Variants in C15orf40 observed in about 807,000 individuals in gnomAD.
C15orf40 encodes chromosome 15 open reading frame 40, also known as UPF0235 protein C15orf40.
Under a neutral mutation model 13.9 loss-of-function variants are expected in C15orf40, and 9 were observed. The ratio of observed to expected loss-of-function variants is 0.65; its 90% CI spans 0.39 to 1.13. The LOEUF is 1.13. Ranked by LOEUF, C15orf40 falls within the 50% of genes most tolerant of loss-of-function variation. The pLI, the probability that C15orf40 is intolerant of heterozygous loss-of-function variation, is 0.01. For synonymous variants in C15orf40, 95 were observed against 69.2 expected (o/e 1.37, Z -1.85); for missense variants, 225 against 188.5 (o/e 1.19, Z -1.13).
Position 83,001,115 on chromosome 15 carries a change from G to A in C15orf40, c.*4482C>T. ...GGCATAAGCCACTGCACTGGCCTAG[G>A]TGTGCACTGCAAAGGTTCCACCTTC... is the stretch of plus-strand genomic sequence containing the variant. On this transcript the variant is annotated 3_prime_UTR_variant, in exon 4 of 4. Coordinates refer to ENST00000304177, the MANE Select transcript of C15orf40 (RefSeq NM_144597.3). 3.0e-6 allele frequency: 3 copies of A among 985,438 alleles called. No homozygotes were observed. The highest frequency in any genetic ancestry group is 3.6e-6 in the Non-Finnish European group (3 of 829,918). The allele number at this position is 985,438 out of a possible 1,614,324, so 61.0% of individuals were successfully genotyped here. A position where few individuals can be genotyped will look rare whatever the true frequency, so the allele number is the denominator to read the frequency against.
downstream of C15orf40, chr15:82,990,770 G>T: frequency 1.2e-6 from 1 of 827,352 alleles, no homozygotes; most frequent in Non-Finnish European, 2.0e-6. Context: ...AACATAGCAG[G>T]TCAAAATTCA....
Position 82,999,581 on chromosome 15 carries a change from C to T in C15orf40, c.*6016G>A, listed in dbSNP as rs1251248024. The T allele has an allele frequency of 6.6e-6, 1 of 152,156 alleles. No homozygotes were observed. Among genetic ancestry groups the T allele is most frequent in the Non-Finnish European group, 1.5e-5 (1 of 68,056 alleles). The allele number at this position is 152,156 out of a possible 1,614,324, so 9.4% of individuals were successfully genotyped here. ...GTGAGCAGCTATCACGTGTACATGC[C>T]ACCCAGTACGGCTGTAGAAGAGAAC... is the stretch of plus-strand genomic sequence containing the variant. On this transcript the variant is annotated 3_prime_UTR_variant, in exon 4 of 4. Transcript: ENST00000304177.
chr15:83,011,362 G>T, intron 1 of C15orf40, 135 bp downstream of exon 1: 1 of 1,035,502 alleles, frequency 9.7e-7, no homozygotes, highest in Non-Finnish European at 1.3e-6. Flanking sequence ...GGCGGCGGCT[G>T]TCCTGAGCCC....
Position 83,004,874 on chromosome 15 carries a change from A to G in C15orf40, c.*723T>C. 1 of 1,303,874 alleles carries G rather than the reference A, an allele frequency of 7.7e-7. No individual in the cohort carries two copies. The highest frequency in any genetic ancestry group is 1.0e-6 in the Non-Finnish European group (1 of 988,092). The allele number at this position is 1,303,874 out of a possible 1,614,324, so 80.8% of individuals were successfully genotyped here. A position where few individuals can be genotyped will look rare whatever the true frequency, so the allele number is the denominator to read the frequency against. ...GAACCGTTGTGGAGATATGATTTTTAATTTACAATCTAGAAAAACTGCATT... is the reference window on the plus strand; with the variant it reads ...GAACCGTTGTGGAGATATGATTTTTGATTTACAATCTAGAAAAACTGCATT... On this transcript the variant is annotated 3_prime_UTR_variant, in exon 4 of 4. Coordinates refer to ENST00000304177, the MANE Select transcript of C15orf40 (RefSeq NM_144597.3).
At position 82,998,278 on chromosome 15, in the gene C15orf40, C is replaced by CA. The variant is rs1272929688; in HGVS notation, c.*7318_*7319insT. On this transcript the variant is annotated 3_prime_UTR_variant, in exon 4 of 4. Transcript: ENST00000304177. ...GGCCGGGCGGGGGACTGACCCCCCC[C>CA]CACCTCCCTCCCGGACGGGGTGGCT... 1 of 150,808 alleles carries CA rather than the reference C, an allele frequency of 6.6e-6. No individual in the cohort carries two copies. Among genetic ancestry groups the CA allele is most frequent in the Admixed American group, 6.7e-5 (1 of 14,898 alleles). 9.3% of individuals were successfully genotyped at this position (150,808 alleles called of 1,614,324 possible).
downstream of C15orf40, chr15:82,989,196 T>C: frequency 1.2e-6 from 2 of 1,610,558 alleles, no homozygotes; most frequent in African/African-American, 2.7e-5. Context: ...TCGGTGTGTA[T>C]TCAAAAGAAT....
Position 83,005,263 on chromosome 15 carries a change from G to T in C15orf40, c.*334C>A. On this transcript the variant is annotated 3_prime_UTR_variant, in exon 4 of 4. Transcript: ENST00000304177. ...CCTCTTCACCATTAGCAATAAAAAAGTTTCTCAAGGATGTATTTTTTATTT... is the reference window on the plus strand; with the variant it reads ...CCTCTTCACCATTAGCAATAAAAAATTTTCTCAAGGATGTATTTTTTATTT... The T allele has an allele frequency of 9.9e-7, 1 of 1,010,194 alleles. No individual in the cohort carries two copies. Among genetic ancestry groups the T allele is most frequent in the African/African-American group, 1.7e-5 (1 of 57,592 alleles). 62.6% of individuals were successfully genotyped at this position (1,010,194 alleles called of 1,614,324 possible). A position where few individuals can be genotyped will look rare whatever the true frequency, so the allele number is the denominator to read the frequency against.
At chr15:83,011,128 C>T (rs1189638761) in intron 1 of C15orf40, 4 of 199,520 alleles carry the variant, frequency 2.0e-5, no homozygotes, top group Non-Finnish European at 4.0e-5. Flanking sequence ...TCAGCCAAAG[C>T]AAGGGAGGAG....
chr15:83,003,390 G>T lies in C15orf40; in HGVS notation c.*2207C>A, dbSNP rs1456081670. On this transcript the variant is annotated 3_prime_UTR_variant, in exon 4 of 4. Coordinates refer to ENST00000304177, the MANE Select transcript of C15orf40 (RefSeq NM_144597.3). ...GATCCACCTGCCTTGGCCTCCCAAAGTGCTGGGATTACAGGTGTGAGCTAC... is the reference window on the plus strand; with the variant it reads ...GATCCACCTGCCTTGGCCTCCCAAATTGCTGGGATTACAGGTGTGAGCTAC... 1.3e-5 allele frequency: 2 copies of T among 152,288 alleles called. No individual in the cohort carries two copies. The highest frequency in any genetic ancestry group is 2.9e-5 in the Non-Finnish European group (2 of 68,132). 9.4% of individuals were successfully genotyped at this position (152,288 alleles called of 1,614,324 possible). A position where few individuals can be genotyped will look rare whatever the true frequency, so the allele number is the denominator to read the frequency against.
rs1234482869 is a variant in C15orf40 at position 83,001,273 on chromosome 15, C to A, written c.*4324G>T. 1 of 985,292 alleles carries A rather than the reference C, an allele frequency of 1.0e-6. No individual in the cohort carries two copies. The highest frequency in any genetic ancestry group is 1.7e-5 in the African/African-American group (1 of 57,226). The allele number at this position is 985,292 out of a possible 1,614,324, so 61.0% of individuals were successfully genotyped here. ...CAGGCTGTTCTTTCCCAGGATCTGT[C>A]GAAGTACAGCATAGGCAAACCACCT... On this transcript the variant is annotated 3_prime_UTR_variant, in exon 4 of 4. Transcript: ENST00000304177.
In C15orf40 at chr15:83,004,523, T is replaced by G; in HGVS notation, c.*1074A>C. On this transcript the variant is annotated 3_prime_UTR_variant, in exon 4 of 4. Transcript: ENST00000304177. Reference sequence around the variant, plus strand: ...GTAATTTCTGACAAGCTTTTACAAATACTGAAAATAGCTTCCAAGTCCTCT... The same window carrying G: ...GTAATTTCTGACAAGCTTTTACAAAGACTGAAAATAGCTTCCAAGTCCTCT... 1 of 805,548 alleles carries G rather than the reference T, an allele frequency of 1.2e-6. No homozygotes were observed. Among genetic ancestry groups the G allele is most frequent in the Non-Finnish European group, 1.5e-6 (1 of 666,094 alleles). 49.9% of individuals were successfully genotyped at this position (805,548 alleles called of 1,614,324 possible).
Position 83,001,295 on chromosome 15 carries a change from A to T in C15orf40, c.*4302T>A, listed in dbSNP as rs181423598. On this transcript the variant is annotated 3_prime_UTR_variant, in exon 4 of 4. Coordinates refer to ENST00000304177, the MANE Select transcript of C15orf40 (RefSeq NM_144597.3). ...TGTCGAAGTACAGCATAGGCAAACC[A>T]CCTAGCAGTGTCTGTCAAGTAAGCA... The T allele has an allele frequency of 7.1e-5, 70 of 985,466 alleles. No homozygotes were observed. The Middle Eastern group carries it at 4.2e-3, about 59-fold the overall frequency. 61.0% of individuals were successfully genotyped at this position (985,466 alleles called of 1,614,324 possible).
At position 83,003,773 on chromosome 15, in the gene C15orf40, G is replaced by C. The variant is rs2031529353; in HGVS notation, c.*1824C>G. 6.6e-6 allele frequency: 1 copy of C among 152,216 alleles called. No homozygotes were observed. Among genetic ancestry groups the C allele is most frequent in the Non-Finnish European group, 1.5e-5 (1 of 68,090 alleles). The allele number at this position is 152,216 out of a possible 1,614,324, so 9.4% of individuals were successfully genotyped here. A position where few individuals can be genotyped will look rare whatever the true frequency, so the allele number is the denominator to read the frequency against. ...ATTTTTTCTTTCTTTTTGAGACGGAGTCTCACTCTTGTCGCCGAGGCTGGA... is the reference window on the plus strand; with the variant it reads ...ATTTTTTCTTTCTTTTTGAGACGGACTCTCACTCTTGTCGCCGAGGCTGGA... On this transcript the variant is annotated 3_prime_UTR_variant, in exon 4 of 4. Transcript: ENST00000304177.
chr15:83,011,213 G>T, intron 1 of C15orf40: 1 of 345,904 alleles, frequency 2.9e-6, no homozygotes, highest in East Asian at 4.6e-5. Flanking sequence ...CTGGGAGTGC[G>T]GGTAGGAGGC....
chr15:82,993,356 C>T (rs927718011), downstream of C15orf40, among the ~76,000 whole-genome samples: 3 of 152,086 alleles, frequency 2.0e-5, no homozygotes, highest in Admixed American at 6.6e-5. Flanking sequence ...TGTAGAGTAA[C>T]GGGCAGAAGA....
At chr15:82,991,944 G>A (rs2151272489), downstream of C15orf40, 1 of 1,286,418 alleles carries the variant, frequency 7.8e-7, no homozygotes, top group South Asian at 1.2e-5. Context: ...GGTTGGGTAT[G>A]GTGGCTCACA....
At chr15:83,006,575 T>G (rs550423611) in intron 3 of C15orf40, 6 of 565,036 alleles carry the variant, frequency 1.1e-5, no homozygotes, top group African/African-American at 1.0e-4. Flanking sequence ...GCCTGGCCAA[T>G]GTGGCAAAAC....
At chr15:82,993,639 C>T (rs531279570), downstream of C15orf40, among the ~76,000 whole-genome samples, 115 of 152,068 alleles carry the variant, frequency 7.6e-4, no homozygotes, top group Non-Finnish European at 1.5e-3. Flanking sequence ...TGGCAAAAAC[C>T]CCGTCTCTAT....
intron 3 of C15orf40, among the ~76,000 whole-genome samples, chr15:83,007,415 A>G (rs554888554): frequency 1.2e-3 from 187 of 152,380 alleles, no homozygotes; most frequent in Non-Finnish European, 2.1e-3. Context: ...GTGAAGAAGC[A>G]TAGGCACACA....
Sources: allele counts gnomAD v4.1 joint callset (sites outside exome capture counted in the v4.1 genomes callset), GRCh38; gene constraint gnomAD v4.1.1; transcripts MANE v1.5; gene names NCBI Gene and HGNC (gene_info 2026-07-23, HGNC 2026-07-21).